The following ARAP2 variants were observed in gnomAD, a reference collection of about 807,000 sequenced individuals.
ARAP2 encodes the protein arf-GAP with Rho-GAP domain, ANK repeat and PH domain-containing protein 2.
ARAP2 carries 148 observed loss-of-function variants against 194.5 expected under a neutral mutation model. That is an observed-to-expected ratio of 0.76 (90% CI 0.67 to 0.87). ARAP2 has a LOEUF of 0.87. ARAP2 is among the 40% of genes least tolerant of loss of function. The pLI is 0.00. For missense variants in ARAP2, 2,128 were observed against 1,989.7 expected (o/e 1.07, Z -1.32); for synonymous variants, 695 against 683.5 (o/e 1.02, Z -0.26).
At chr4:36,211,281 T>C (rs560268390) in intron 5 of ARAP2, among the ~76,000 whole-genome samples, 1 of 152,194 alleles carries the variant, frequency 6.6e-6, no homozygotes, top group South Asian at 2.1e-4. Flanking sequence ...TGAGGAAAAA[T>C]ATTGCAGCAC....
At chr4:36,097,260 G>A (rs1174098552) in intron 27 of ARAP2, among the ~76,000 whole-genome samples, 2 of 151,950 alleles carry the variant, frequency 1.3e-5, no homozygotes, top group African/African-American at 2.4e-5. Context: ...GTTTTGAAAG[G>A]AATATATGCT....
rs764159901 is a variant in ARAP2, at chr4:36,228,876, T to G, written c.611A>C (p.Glu204Ala). The G allele has an allele frequency of 2.5e-6, 4 of 1,613,992 alleles. No homozygotes were observed. In the Admixed American group the frequency reaches 6.7e-5, roughly 27 times the overall value. ...QQTEKVKLIT[E>A]NLSKLPNADS... The stretch of plus-strand genomic sequence containing the variant: ...TGCATTAGGGAGCTTACTGAGATTT[T>G]CTGTGATCAATTTAACTTTTTCTGT... The change falls in exon 2 of 33, where the codon GAA (glutamate) becomes GCA (alanine). Residue 204 changes from glutamate to alanine, a missense_variant. Glu to Ala is a moderately radical substitution (Grantham distance 107, BLOSUM62 -1). Coordinates refer to ENST00000303965, the MANE Select transcript of ARAP2 (RefSeq NM_015230.4).
intron 14 of ARAP2, 120 bp downstream of exon 14, chr4:36,159,211 G>C: frequency 2.7e-6 from 3 of 1,098,508 alleles, no homozygotes; most frequent in Non-Finnish European, 3.7e-6. Flanking sequence ...CATCTTTTTG[G>C]TAATTACATT....
At chr4:36,017,564 T>TTAAAAAAAAA (rs1553863575) in intron 6 of ARAP2, among the ~76,000 whole-genome samples, 1 of 42,578 alleles carries the variant, frequency 2.3e-5, no homozygotes, top group Admixed American at 4.5e-4. Flanking sequence ...AAGAAAGTGG[T>TTAAAAAAAAA]AAAAAAAAAA....
At chr4:36,027,297 C>G (rs545829066) in intron 5 of ARAP2, among the ~76,000 whole-genome samples, 1 of 152,046 alleles carries the variant, frequency 6.6e-6, no homozygotes, top group Non-Finnish European at 1.5e-5. Flanking sequence ...GGTCATGCAG[C>G]TGGTGAAGGT....
intron 25 of ARAP2, among the ~76,000 whole-genome samples, chr4:36,116,057 A>C (rs1721242195): frequency 6.6e-6 from 1 of 151,978 alleles, no homozygotes; most frequent in Non-Finnish European, 1.5e-5. Context: ...CTAGTTCCTC[A>C]CATCTCTTAT....
At position 36,210,430 on chromosome 4, in the gene ARAP2, T is replaced by C. The variant is rs1271790254; in HGVS notation, c.1447A>G (p.Lys483Glu). Residue 483 changes from lysine to glutamate, a missense_variant, in exon 6 of 33, where the codon AAG becomes GAG. Physicochemically the swap from Lys to Glu is moderately conservative, Grantham distance 56. Transcript: ENST00000303965. ...TTATCCAGCCATCCTGATTTAACCT[T>C]CTTTGCAGATGCTCCATAAAAGCAG... Reference protein sequence around the residue: ...YACFYGASAKKVKSGWLDKLS... With the variant: ...YACFYGASAKEVKSGWLDKLS... The C allele has an allele frequency of 6.2e-7, 1 of 1,613,590 alleles. No homozygotes were observed. The highest frequency in any genetic ancestry group is 1.7e-5 in the Admixed American group (1 of 59,952).
intron 19 of ARAP2, among the ~76,000 whole-genome samples, chr4:36,135,016 T>C (rs985433951): frequency 2.6e-5 from 4 of 151,726 alleles, no homozygotes; most frequent in African/African-American, 9.7e-5. Context: ...TATTTCAGTA[T>C]CTCCGGTCAT....
chr4:36,200,537 G>T (rs1560651591), intron 6 of ARAP2, among the ~76,000 whole-genome samples: 2 of 152,226 alleles, frequency 1.3e-5, no homozygotes, highest in East Asian at 3.9e-4. Context: ...TTACAAGTGT[G>T]AGCCACCGTG....
intron 24 of ARAP2, among the ~76,000 whole-genome samples, chr4:36,118,526 A>G (rs1233541736): frequency 1.3e-5 from 2 of 151,366 alleles, no homozygotes; most frequent in Non-Finnish European, 3.0e-5. Flanking sequence ...ACATATACAG[A>G]CTAAACTGAA....
intron 3 of ARAP2, among the ~76,000 whole-genome samples, chr4:36,213,917 G>A (rs546195167): frequency 6.6e-6 from 1 of 151,886 alleles, no homozygotes; most frequent in African/African-American, 2.4e-5. Flanking sequence ...TTTCTACTCT[G>A]GCAAAAATTT....
chr4:36,162,875 G>A (rs950729599), intron 11 of ARAP2, among the ~76,000 whole-genome samples: 4 of 152,122 alleles, frequency 2.6e-5, no homozygotes, highest in African/African-American at 9.7e-5. Context: ...TGGTGGGTTT[G>A]AAGGAAAGAG....
downstream of ARAP2, among the ~76,000 whole-genome samples, chr4:36,062,075 A>C (rs1395149313): frequency 6.6e-6 from 1 of 152,000 alleles, no homozygotes; most frequent in African/African-American, 2.4e-5. Context: ...GTTTGCAAAT[A>C]TTTTTTGCCA....
chr4:36,086,766 T>TA (rs2109364816), intron 28 of ARAP2, among the ~76,000 whole-genome samples: 1 of 152,242 alleles, frequency 6.6e-6, no homozygotes, highest in East Asian at 1.9e-4. Flanking sequence ...GTTTGCTTAT[T>TA]AAAGTATAGG....
intron 15 of ARAP2, among the ~76,000 whole-genome samples, chr4:36,153,188 T>C (rs966381702): frequency 3.9e-5 from 6 of 152,198 alleles, no homozygotes; most frequent in Non-Finnish European, 8.8e-5. Context: ...GCTTTATTTT[T>C]GTAAGTGAAA....
chr4:36,090,480 T>A (rs1053479776), intron 28 of ARAP2, among the ~76,000 whole-genome samples: 2 of 152,098 alleles, frequency 1.3e-5, no homozygotes, highest in Non-Finnish European at 2.9e-5. Flanking sequence ...ATATCCTTGA[T>A]GAAACATCAG....
chr4:36,079,136 T>C (rs1257282946), intron 31 of ARAP2, among the ~76,000 whole-genome samples: 1 of 130,826 alleles, frequency 7.6e-6, no homozygotes, highest in Non-Finnish European at 1.5e-5. Flanking sequence ...ATCATGCCAC[T>C]GCACTCCAGC....
chr4:36,224,134 T>C (rs1749745371), intron 2 of ARAP2, among the ~76,000 whole-genome samples: 1 of 150,984 alleles, frequency 6.6e-6, no homozygotes, highest in Non-Finnish European at 1.5e-5. Flanking sequence ...CCTTATGAAC[T>C]GTACTTACTT....
At chr4:36,187,068 A>AC (rs1740734422) in intron 8 of ARAP2, among the ~76,000 whole-genome samples, 1 of 152,222 alleles carries the variant, frequency 6.6e-6, no homozygotes, top group African/African-American at 2.4e-5. Flanking sequence ...CCTGCCATAA[A>AC]TGTCCATATA....
Sources: gnomAD v4.1 joint callset for allele counts (sites outside exome capture counted in the v4.1 genomes callset) on GRCh38, gnomAD v4.1.1 for gene constraint, MANE v1.5 for transcripts, NCBI Gene and HGNC (gene_info 2026-07-23, HGNC 2026-07-21) for gene names.